SATL1: variants seen among roughly 807,000 people sequenced by gnomAD.
SATL1 encodes the protein spermidine/spermine N1-acetyl transferase like 1.
In SATL1, 47 loss-of-function variants were observed where a neutral mutation model predicts 51.8. That is an observed-to-expected ratio of 0.91 (90% CI 0.72 to 1.16). The LOEUF is 1.16. SATL1 is among the 50% of genes most tolerant of loss of function. The probability of loss-of-function intolerance (pLI) is 0.00; values close to 1 mark genes in which losing one functional copy is unlikely to be tolerated. For missense variants in SATL1, 520 were observed against 526.4 expected (o/e 0.99, Z 0.12); for synonymous variants, 176 against 182.4 (o/e 0.97, Z 0.28).
chrX:85,242,701 G>A (rs911857557), intron 1 of SATL1, among the ~76,000 whole-genome samples: 2 of 111,949 alleles, frequency 1.8e-5, no homozygotes, highest in African/African-American at 3.3e-5. Flanking sequence ...CACTGTGTAC[G>A]GGCTTTGCAG....
chrX:85,152,199 A>G (rs1926462395), intron 2 of SATL1, among the ~76,000 whole-genome samples: 1 of 112,427 alleles, frequency 8.9e-6, no homozygotes, highest in African/African-American at 3.2e-5. Flanking sequence ...TTATGCAGCC[A>G]AAAGACACAT....
At chrX:85,164,184 G>T (rs1476427420) in intron 2 of SATL1, among the ~76,000 whole-genome samples, 1 of 111,650 alleles carries the variant, frequency 9.0e-6, no homozygotes, top group African/African-American at 3.3e-5. Context: ...TTGGTTGGTG[G>T]ATTTTTATCC....
chrX:85,108,258 A>C lies in SATL1; in HGVS notation c.711T>G (p.Cys237Trp), dbSNP rs780226033. ...GIRQPDTSQS[C>W]KNQTDMSQPD... ...GTTGGCTCATGTCTGTTTGGTTCTT[A>C]CATGATTGGCTAGTGTCTGGTTGCC... The change falls in exon 3 of 8, where the codon TGT (cysteine) becomes TGG (tryptophan). Residue 237 changes from cysteine to tryptophan, a missense_variant. Transcript: ENST00000644105. 5.0e-6 allele frequency: 6 copies of C among 1,209,745 alleles called. No homozygotes were observed. In the South Asian group the frequency reaches 1.1e-4, roughly 21 times the overall value.
chrX:85,139,782 G>A (rs150581438), intron 2 of SATL1, among the ~76,000 whole-genome samples: 2,767 of 111,425 alleles, frequency 0.025, 80 homozygotes, highest in African/African-American at 0.086. Context: ...TTCAAGATAA[G>A]AATCTGACTT....
At chrX:85,151,182 G>A (rs767440236) in intron 2 of SATL1, among the ~76,000 whole-genome samples, 1,265 of 108,704 alleles carry the variant, frequency 0.012, 19 homozygotes, top group African/African-American at 0.04. Flanking sequence ...ACAGACAAAC[G>A]GAGAGCCAAA....
chrX:85,133,941 G>T (rs927291212), intron 2 of SATL1, among the ~76,000 whole-genome samples: 21 of 111,694 alleles, frequency 1.9e-4, no homozygotes, highest in African/African-American at 4.9e-4. Context: ...GTTTTACATA[G>T]AAAATATTAA....
At chrX:85,187,969 C>A (rs1041942701) in intron 2 of SATL1, among the ~76,000 whole-genome samples, 2 of 110,578 alleles carry the variant, frequency 1.8e-5, no homozygotes, top group African/African-American at 3.3e-5. Flanking sequence ...AGCCTCTCAT[C>A]CCTCCTCTAT....
intron 1 of SATL1, among the ~76,000 whole-genome samples, chrX:85,238,718 T>C (rs758140355): frequency 3.6e-5 from 4 of 111,348 alleles, no homozygotes; most frequent in Non-Finnish European, 7.6e-5. Context: ...AAGAATATAA[T>C]TGGAGTGTCA....
At chrX:85,203,122 C>T (rs184843161) in intron 2 of SATL1, among the ~76,000 whole-genome samples, 82 of 111,613 alleles carry the variant, frequency 7.3e-4, no homozygotes, top group African/African-American at 2.5e-3. Context: ...CTCGGATTTT[C>T]CAGAACCTGG....
intron 2 of SATL1, among the ~76,000 whole-genome samples, chrX:85,169,675 G>A (rs1321116687): frequency 1.8e-5 from 2 of 111,662 alleles, no homozygotes; most frequent in African/African-American, 6.5e-5. Context: ...CTGTTGGTTG[G>A]AGGTAAATTA....
intron 2 of SATL1, among the ~76,000 whole-genome samples, chrX:85,189,314 TATC>T (rs1927383691): frequency 8.9e-6 from 1 of 111,738 alleles, no homozygotes; most frequent in Non-Finnish European, 1.9e-5. Context: ...TGTGCCATGC[TATC>T]CCTGGTTATA....
chrX:85,180,294 C>T (rs1436686089), intron 2 of SATL1, among the ~76,000 whole-genome samples: 1 of 110,868 alleles, frequency 9.0e-6, no homozygotes, highest in African/African-American at 3.3e-5. Context: ...TATATGAAGT[C>T]AGGCAGTGGA....
intron 1 of SATL1, among the ~76,000 whole-genome samples, chrX:85,240,264 T>C (rs1200867168): frequency 8.9e-6 from 1 of 111,794 alleles, no homozygotes; most frequent in Non-Finnish European, 1.9e-5. Context: ...GAGATATCAC[T>C]ATACAACTAT....
chrX:85,123,946 A>G lies in SATL1; in HGVS notation c.-312-14666T>C, dbSNP rs190924278. On this transcript the variant is annotated intron_variant, in intron 2 of 7. Transcript: ENST00000644105. ...GAAGAGTAGGATGGTGGGAGGGTAA[A>G]TGATTTGGGGTTTTACTTTATATAC... Among the ~76,000 whole-genome samples, 665 of 111,653 alleles carry G rather than the reference A, an allele frequency of 6.0e-3. 1 individual carries two copies. The highest frequency in any genetic ancestry group is 0.018 in the Middle Eastern group (4 of 218).
In SATL1 at chrX:85,093,180, C is replaced by T. The variant is rs1209872668; in HGVS notation, c.1917+5G>A. On this transcript the variant is annotated splice_donor_5th_base_variant and intron_variant, in intron 7 of 7. Coordinates refer to ENST00000644105, the MANE Select transcript of SATL1 (RefSeq NM_001367857.2). ...TAGAATATCAATACTAATTGTAATA[C>T]ATACCTGACTTAGCCTCTTCAGCAT... 6.0e-6 allele frequency: 7 copies of T among 1,157,825 alleles called. No homozygotes were observed. The African/African-American group carries it at 1.3e-4, about 21-fold the overall frequency.
intron 7 of SATL1, 63 bp from the exon 8 acceptor site, chrX:85,092,624 A>G (rs1006412032): frequency 3.9e-6 from 4 of 1,021,706 alleles, no homozygotes; most frequent in Admixed American, 2.5e-5. Context: ...GTTAACACAT[A>G]TATTTTATTG....
At chrX:85,105,596 G>A (rs1228544550) in intron 3 of SATL1, among the ~76,000 whole-genome samples, 1 of 111,418 alleles carries the variant, frequency 9.0e-6, no homozygotes, top group African/African-American at 3.3e-5. Flanking sequence ...CCCAAATAAT[G>A]CTGTGATGTG....
chrX:85,192,677 C>A (rs1927465995), intron 2 of SATL1, among the ~76,000 whole-genome samples: 1 of 111,211 alleles, frequency 9.0e-6, no homozygotes, highest in Non-Finnish European at 1.9e-5. Flanking sequence ...CATATATACT[C>A]CCCCCATAGT....
At chrX:85,168,034 C>A (rs866858430) in intron 2 of SATL1, among the ~76,000 whole-genome samples, 6 of 106,940 alleles carry the variant, frequency 5.6e-5, no homozygotes, top group Admixed American at 9.9e-5. Context: ...AAAAAAAAAA[C>A]ACATGATTGT....
Sources: allele counts gnomAD v4.1 joint callset (sites outside exome capture counted in the v4.1 genomes callset), GRCh38; gene constraint gnomAD v4.1.1; transcripts MANE v1.5; gene names NCBI Gene and HGNC (gene_info 2026-07-23, HGNC 2026-07-21).